PLEKHG4B: variants seen among roughly 807,000 people sequenced by gnomAD.
The protein encoded by PLEKHG4B is pleckstrin homology and RhoGEF domain containing G4B, also known as pleckstrin homology domain-containing family G member 4B.
Under a neutral mutation model 121.3 loss-of-function variants are expected in PLEKHG4B, and 111 were observed. The observed-to-expected ratio is 0.92, with a 90% CI of 0.78 to 1.07. The LOEUF (loss-of-function observed/expected upper bound fraction) is 1.07, where lower values mean the gene tolerates loss of function less well. Among genes scored for constraint, PLEKHG4B ranks in the 50% least tolerant of loss-of-function variants. The probability of loss-of-function intolerance (pLI) is 0.00; values close to 1 mark genes in which losing one functional copy is unlikely to be tolerated. For missense variants in PLEKHG4B, 1,831 were observed against 1,757.8 expected (o/e 1.04, Z -0.74); for synonymous variants, 738 against 725.0 (o/e 1.02, Z -0.29).
At position 137,499 on chromosome 5, in the gene PLEKHG4B, G is replaced by A. The variant is rs1735018765; in HGVS notation, c.244-1984G>A. Among the ~76,000 whole-genome samples, 1 of 152,102 alleles carries A rather than the reference G, an allele frequency of 6.6e-6. No homozygotes were observed. Among genetic ancestry groups the A allele is most frequent in the African/African-American group, 2.4e-5 (1 of 41,408 alleles). On this transcript the variant is annotated intron_variant, in intron 2 of 19. Coordinates refer to ENST00000637938, the MANE Select transcript of PLEKHG4B (RefSeq NM_052909.5). The surrounding 1 kb of genome is among the most constrained non-coding windows in gnomAD (Gnocchi z 4.2). ...TGGGCTGTGCCACTGCCTTAACCCG[G>A]ACCAGTTCCCTTCTACAGTGAAGAA... is the stretch of plus-strand genomic sequence containing the variant.
rs373380026 is a variant in PLEKHG4B at position 170,334 on chromosome 5, G to C, written c.3730-709G>C. Among the ~76,000 whole-genome samples, 28 of 151,360 alleles carry C rather than the reference G, an allele frequency of 1.8e-4. 1 individual carries two copies. The highest frequency in any genetic ancestry group is 3.3e-4 in the Admixed American group (5 of 15,204). On this transcript the variant is annotated intron_variant, in intron 14 of 19. Coordinates refer to ENST00000637938, the MANE Select transcript of PLEKHG4B (RefSeq NM_052909.5). ...TTTTTTTTCTTTGAGATGAAGTCTC[G>C]CTCTGTTGCCCAGACTGGAGTGCAG...
rs12519909 is a variant in PLEKHG4B, at chr5:187,773, C to A, written c.*5450C>A. The A allele has an allele frequency of 0.65, 99,274 of 151,756 alleles. 33,131 individuals carry two copies. The highest frequency in any genetic ancestry group is 0.71 in the Non-Finnish European group (48,261 of 68,002). 9.4% of individuals were successfully genotyped at this position (151,756 alleles called of 1,614,324 possible). A position where few individuals can be genotyped will look rare whatever the true frequency, so the allele number is the denominator to read the frequency against. On this transcript the variant is annotated 3_prime_UTR_variant, in exon 20 of 20. Coordinates refer to ENST00000637938, the MANE Select transcript of PLEKHG4B (RefSeq NM_052909.5). ...CATCAAGCATCTGCTGGGCAGCCTC[C>A]CTCCCCGGCCCGCCTGTAGCTCCCA...
At chr5:114,702 C>A (rs567846009) in intron 2 of PLEKHG4B, among the ~76,000 whole-genome samples, 1 of 152,292 alleles carries the variant, frequency 6.6e-6, no homozygotes, top group African/African-American at 2.4e-5. Flanking sequence ...GGTGATCCAC[C>A]CGCCCCAGCC....
At chr5:126,118 G>A (rs1057339823) in intron 2 of PLEKHG4B, among the ~76,000 whole-genome samples, 1 of 152,068 alleles carries the variant, frequency 6.6e-6, no homozygotes, top group African/African-American at 2.4e-5. Flanking sequence ...CAGGCTTCTT[G>A]GATGTTTGTA....
At position 106,560 on chromosome 5, in the gene PLEKHG4B, G is replaced by T. The variant is rs548662433; in HGVS notation, c.46-6691G>T. Among the ~76,000 whole-genome samples the T allele has an allele frequency of 2.1e-3, 323 of 152,346 alleles. 2 individuals carry two copies. The highest frequency in any genetic ancestry group is 7.2e-3 in the African/African-American group (301 of 41,574). On this transcript the variant is annotated intron_variant, in intron 1 of 19. Transcript: ENST00000637938. The stretch of plus-strand genomic sequence containing the variant: ...TAACGAACATGTAGAACTGCACTTT[G>T]TAATTGTCCACAGCGTGCTCACATT...
At chr5:161,667 G>A (rs1307026041) in intron 11 of PLEKHG4B, 116 bp from the exon 12 acceptor site, 3 of 1,329,786 alleles carry the variant, frequency 2.3e-6, no homozygotes, top group Non-Finnish European at 3.2e-6. Context: ...GCAGCAGGCA[G>A]CACTGTGGGC....
Position 177,360 on chromosome 5 carries a change from T to C in PLEKHG4B, c.4402+3262T>C, listed in dbSNP as rs140262383. Among the ~76,000 whole-genome samples, 852 of 152,364 alleles carry C rather than the reference T, an allele frequency of 5.6e-3. 8 individuals carry two copies. The highest frequency in any genetic ancestry group is 0.02 in the African/African-American group (820 of 41,578). ...GTTCAGTATATTTTCTAACTTCCAC[T>C]TTAATTTATTCTCGGACTCATCATA... On this transcript the variant is annotated intron_variant, in intron 18 of 19. Coordinates refer to ENST00000637938, the MANE Select transcript of PLEKHG4B (RefSeq NM_052909.5).
intron 2 of PLEKHG4B, among the ~76,000 whole-genome samples, chr5:125,496 CTGA>C (rs1363314912): frequency 1.3e-5 from 2 of 152,072 alleles, no homozygotes; most frequent in African/African-American, 2.4e-5. Flanking sequence ...CTTTTGGTTG[CTGA>C]TGTCAGAAAA....
Position 137,931 on chromosome 5 carries a change from C to T in PLEKHG4B, c.244-1552C>T, listed in dbSNP as rs1012856628. On this transcript the variant is annotated intron_variant, in intron 2 of 19. Transcript: ENST00000637938. This position sits in a 1 kb window ranked among gnomAD's most constrained non-coding sequence, Gnocchi z 4.2. ...CAGCCCAGGACACAGCTCCTCAGGC[C>T]GCCTCGCAGCGTCTGGGGAGGGTGT... 1.3e-5 allele frequency among the ~76,000 whole-genome samples: 2 copies of T among 152,228 alleles called. No individual in the cohort carries two copies. Among genetic ancestry groups the T allele is most frequent in the Non-Finnish European group, 2.9e-5 (2 of 68,048 alleles).
intron 18 of PLEKHG4B, among the ~76,000 whole-genome samples, chr5:179,320 C>G (rs1449282514): frequency 6.6e-6 from 1 of 151,940 alleles, no homozygotes; most frequent in Non-Finnish European, 1.5e-5. Flanking sequence ...TGTTTTCTAC[C>G]TATTTGGTGA....
chr5:154,822 G>A (rs1735717237), intron 7 of PLEKHG4B, 53 bp from the exon 8 acceptor site: 3 of 1,362,606 alleles, frequency 2.2e-6, no homozygotes, highest in Non-Finnish European at 2.1e-6. Context: ...TACAGTGTTT[G>A]CCCCCAAGAG....
chr5:185,655 TG>T lies in PLEKHG4B; in HGVS notation c.*3337del. 6.5e-6 allele frequency: 1 copy of T among 152,696 alleles called. No individual in the cohort carries two copies. Among genetic ancestry groups the T allele is most frequent in the Non-Finnish European group, 1.5e-5 (1 of 68,260 alleles). The allele number at this position is 152,696 out of a possible 1,614,324, so 9.5% of individuals were successfully genotyped here. On this transcript the variant is annotated 3_prime_UTR_variant, in exon 20 of 20. Coordinates refer to ENST00000637938, the MANE Select transcript of PLEKHG4B (RefSeq NM_052909.5). Reference sequence around the variant, plus strand: ...CTACGCCTGTGGAAGAGGAGGCTGCTGGGGGCCCAGGTGTGCAGGGGGCAGG... The same window carrying T: ...CTACGCCTGTGGAAGAGGAGGCTGCTGGGGCCCAGGTGTGCAGGGGGCAGG...
rs190774879 is a variant in PLEKHG4B at position 100,372 on chromosome 5, T to A, written c.45+8096T>A. ...TGTAGGGGAAAGACTGTTGTGAGGT[T>A]AATCCATATAAAGCCCTGGAAAAAG... On this transcript the variant is annotated intron_variant, in intron 1 of 19. Transcript: ENST00000637938. Among the ~76,000 whole-genome samples, 112 of 149,888 alleles carry A rather than the reference T, an allele frequency of 7.5e-4. 2 individuals carry two copies. The highest frequency in any genetic ancestry group is 3.4e-3 in the Middle Eastern group (1 of 292).
At chr5:119,635 C>T (rs1336159573) in intron 2 of PLEKHG4B, among the ~76,000 whole-genome samples, 1 of 152,126 alleles carries the variant, frequency 6.6e-6, no homozygotes, top group African/African-American at 2.4e-5. Flanking sequence ...TGGAAGACAC[C>T]TAAAAGGACC....
intron 2 of PLEKHG4B, among the ~76,000 whole-genome samples, chr5:118,501 A>T (rs571167152): frequency 6.6e-6 from 1 of 152,218 alleles, no homozygotes; most frequent in Non-Finnish European, 1.5e-5. Flanking sequence ...TCAAGGGTGT[A>T]TGATCTCTTT....
chr5:165,111 G>T, intron 13 of PLEKHG4B, among the ~76,000 whole-genome samples: 1 of 123,874 alleles, frequency 8.1e-6, no homozygotes, highest in Admixed American at 7.9e-5. Flanking sequence ...TGCTGTGACG[G>T]GGCGGAGCTC....
chr5:116,781 A>C (rs1364507708), intron 2 of PLEKHG4B, among the ~76,000 whole-genome samples: 1 of 152,178 alleles, frequency 6.6e-6, no homozygotes, highest in Non-Finnish European at 1.5e-5. Flanking sequence ...AGACTCGTTG[A>C]GTGTCTTTTG....
At chr5:103,198 C>T (rs1251474056) in intron 1 of PLEKHG4B, among the ~76,000 whole-genome samples, 1 of 152,198 alleles carries the variant, frequency 6.6e-6, no homozygotes, top group African/African-American at 2.4e-5. Context: ...GATGTTCCCA[C>T]CCAGGTCCCA....
At chr5:95,286 G>T (rs1733599166) in intron 1 of PLEKHG4B, among the ~76,000 whole-genome samples, 1 of 152,132 alleles carries the variant, frequency 6.6e-6, no homozygotes, top group African/African-American at 2.4e-5. Flanking sequence ...ACAAGAATAT[G>T]CCTCCCCTGG....
Sources: allele counts gnomAD v4.1 joint callset (sites outside exome capture counted in the v4.1 genomes callset), GRCh38; gene constraint gnomAD v4.1.1; non-coding constraint Gnocchi (gnomAD v3.1); transcripts MANE v1.5; gene names NCBI Gene and HGNC (gene_info 2026-07-23, HGNC 2026-07-21).